DGKH: variants seen among roughly 807,000 people sequenced by gnomAD.
The protein encoded by DGKH is DAG kinase eta.
A neutral mutation model predicts 159.3 loss-of-function variants in DGKH; 90 were observed. The observed-to-expected ratio is 0.57, with a 90% CI of 0.48 to 0.67. The LOEUF is 0.67. DGKH is among the 30% of genes least tolerant of loss of function. The pLI, the probability that DGKH is intolerant of heterozygous loss-of-function variation, is 0.00. For missense variants in DGKH, 1,181 were observed against 1,506.1 expected (o/e 0.78, Z 3.57); for synonymous variants, 536 against 553.8 (o/e 0.97, Z 0.45).
chr13:42,096,490 T>C (rs1954539097), intron 1 of DGKH, among the ~76,000 whole-genome samples: 1 of 152,194 alleles, frequency 6.6e-6, no homozygotes, highest in African/African-American at 2.4e-5. Flanking sequence ...TAATCCACCA[T>C]TGATGGACAC....
At chr13:42,092,528 G>A (rs1322272387) in intron 1 of DGKH, among the ~76,000 whole-genome samples, 1 of 152,196 alleles carries the variant, frequency 6.6e-6, no homozygotes, top group Non-Finnish European at 1.5e-5. Context: ...TCACTCATGT[G>A]AGAGCTTTAA....
chr13:42,208,419 T>C (rs1264232182), intron 21 of DGKH, among the ~76,000 whole-genome samples: 2 of 152,146 alleles, frequency 1.3e-5, no homozygotes, highest in African/African-American at 4.8e-5. Flanking sequence ...ACTCTCAAGT[T>C]CCCTCAAAAG....
chr13:42,219,030 G>C (rs1404639543), intron 26 of DGKH, among the ~76,000 whole-genome samples, 200 bp from the exon 27 acceptor site: 1 of 152,148 alleles, frequency 6.6e-6, no homozygotes, highest in South Asian at 2.1e-4. Flanking sequence ...GGGAAGTAAT[G>C]ATTAGATTAA....
At chr13:42,098,664 G>T (rs1218856508) in intron 1 of DGKH, among the ~76,000 whole-genome samples, 2 of 152,048 alleles carry the variant, frequency 1.3e-5, no homozygotes, top group Admixed American at 6.5e-5. Context: ...GTCTCTTTGT[G>T]ATCTAAATGA....
At chr13:42,193,545 G>A (rs77588296) in intron 16 of DGKH, among the ~76,000 whole-genome samples, 75 of 152,222 alleles carry the variant, frequency 4.9e-4, no homozygotes, top group East Asian at 3.5e-3. Context: ...GAGAAATACC[G>A]TATATTAATA....
intron 13 of DGKH, among the ~76,000 whole-genome samples, chr13:42,185,930 G>C (rs1956909181): frequency 6.6e-6 from 1 of 152,024 alleles, no homozygotes. Flanking sequence ...AAAATTGTTA[G>C]GAGGAATACA....
At chr13:42,054,045 A>C (rs529571838) in intron 1 of DGKH, among the ~76,000 whole-genome samples, 1 of 152,348 alleles carries the variant, frequency 6.6e-6, no homozygotes, top group Admixed American at 6.5e-5. Flanking sequence ...CAGTATATGA[A>C]AGTATTGATT....
chr13:42,220,246 C>T (rs9594708), intron 28 of DGKH, among the ~76,000 whole-genome samples: 14 of 151,996 alleles, frequency 9.2e-5, no homozygotes, highest in Non-Finnish European at 1.8e-4. Context: ...TTTAACTTGC[C>T]GATTACATTT....
Position 42,221,412 on chromosome 13 carries a change from T to G in DGKH, c.3573+18T>G. On this transcript the variant is annotated intron_variant, in intron 29 of 29. Transcript: ENST00000337343. ...ATCTTAAGGTATTTCCTTTGTGCTCTTCTGTTCTTGAAAATTTTATTGCAA... is the reference window on the plus strand; with the variant it reads ...ATCTTAAGGTATTTCCTTTGTGCTCGTCTGTTCTTGAAAATTTTATTGCAA... 6 of 1,609,588 alleles carry G rather than the reference T, an allele frequency of 3.7e-6. No individual in the cohort carries two copies. The highest frequency in any genetic ancestry group is 5.1e-6 in the Non-Finnish European group (6 of 1,178,320).
chr13:42,067,707 T>G (rs1048598459), intron 1 of DGKH, among the ~76,000 whole-genome samples: 1 of 151,672 alleles, frequency 6.6e-6, no homozygotes, highest in Non-Finnish European at 1.5e-5. Context: ...ATTAATTAAT[T>G]AATTTTTTTT....
chr13:42,143,839 T>TA (rs1339786309), intron 3 of DGKH, among the ~76,000 whole-genome samples: 10 of 152,264 alleles, frequency 6.6e-5, no homozygotes, highest in South Asian at 2.1e-4. Context: ...GTTGATCTTT[T>TA]AAAAAAACCA....
intron 2 of DGKH, among the ~76,000 whole-genome samples, chr13:42,128,703 T>C (rs957984426): frequency 2.6e-5 from 4 of 152,238 alleles, no homozygotes; most frequent in African/African-American, 9.6e-5. Context: ...TTTCATTGTA[T>C]TTCTTCTCTT....
chr13:42,072,087 A>G (rs1251113142), intron 1 of DGKH, among the ~76,000 whole-genome samples: 2 of 152,174 alleles, frequency 1.3e-5, no homozygotes, highest in African/African-American at 4.8e-5. Context: ...ATATTGCTTA[A>G]TGTTTGAATT....
intron 1 of DGKH, among the ~76,000 whole-genome samples, chr13:42,056,374 T>G (rs552518664): frequency 6.6e-6 from 1 of 152,334 alleles, no homozygotes; most frequent in Admixed American, 6.5e-5. Flanking sequence ...ACCTTCTCAC[T>G]GTGTCATTTG....
At chr13:42,048,141 C>T (rs553150541), upstream of DGKH, among the ~76,000 whole-genome samples, 26 of 150,996 alleles carry the variant, frequency 1.7e-4, no homozygotes, top group African/African-American at 6.3e-4. The surrounding 1 kb of genome is among the most constrained non-coding windows in gnomAD (Gnocchi z 6.7). Context: ...GGGAAACCGA[C>T]GAGGGGCAGC....
intron 7 of DGKH, among the ~76,000 whole-genome samples, chr13:42,164,792 G>A (rs1264573443): frequency 6.6e-6 from 1 of 152,126 alleles, no homozygotes; most frequent in African/African-American, 2.4e-5. Context: ...AAGCATGGGG[G>A]TACTTGTAAC....
chr13:42,162,262 G>A (rs1956201739), intron 7 of DGKH, among the ~76,000 whole-genome samples: 1 of 152,180 alleles, frequency 6.6e-6, no homozygotes, highest in Non-Finnish European at 1.5e-5. Flanking sequence ...TGTAATCCCA[G>A]CACCTTGGGA....
Position 42,129,646 on chromosome 13 carries a change from C to G in DGKH, c.384+14C>G. Reference sequence around the variant, plus strand: ...AACAGCTTCACGGTATGGTTATATTCTGCTAACTCCCTTCTCAAAAGTTAT... The same window carrying G: ...AACAGCTTCACGGTATGGTTATATTGTGCTAACTCCCTTCTCAAAAGTTAT... On this transcript the variant is annotated intron_variant, in intron 3 of 29. Transcript: ENST00000337343. 6.2e-7 allele frequency: 1 copy of G among 1,605,708 alleles called. No individual in the cohort carries two copies. Among genetic ancestry groups the G allele is most frequent in the Non-Finnish European group, 8.5e-7 (1 of 1,174,666 alleles).
chr13:42,228,799 T>A (rs145994683), intron 29 of DGKH, among the ~76,000 whole-genome samples: 122 of 152,214 alleles, frequency 8.0e-4, no homozygotes, highest in Non-Finnish European at 1.4e-3. Flanking sequence ...ATTATGAGAA[T>A]GTCACAGTTA....
Sources: gnomAD v4.1 joint callset for allele counts (sites outside exome capture counted in the v4.1 genomes callset) on GRCh38, gnomAD v4.1.1 for gene constraint, Gnocchi (gnomAD v3.1) non-coding constraint, MANE v1.5 for transcripts, NCBI Gene and HGNC (gene_info 2026-07-23, HGNC 2026-07-21) for gene names.